Variants in SAMSN1 observed in about 807,000 individuals in gnomAD.
SAMSN1 encodes the protein SAM domain, SH3 domain and nuclear localization signals 1.
A neutral mutation model predicts 42.0 loss-of-function variants in SAMSN1; 31 were observed. The ratio of observed to expected loss-of-function variants is 0.74; its 90% CI spans 0.55 to 1.00. SAMSN1 has a LOEUF of 1.00. Among genes scored for constraint, SAMSN1 ranks in the 50% least tolerant of loss-of-function variants. The probability of loss-of-function intolerance (pLI) is 0.00; values close to 1 mark genes in which losing one functional copy is unlikely to be tolerated. For synonymous variants in SAMSN1, 178 were observed against 151.9 expected (o/e 1.17, Z -1.26); for missense variants, 464 against 439.4 (o/e 1.06, Z -0.50).
At chr21:14,487,183 C>G (rs913997436) in intron 7 of SAMSN1, among the ~76,000 whole-genome samples, 1 of 152,168 alleles carries the variant, frequency 6.6e-6, no homozygotes, top group East Asian at 1.9e-4. Context: ...GGGACAAGAA[C>G]TCTGCCTACA....
upstream of SAMSN1, among the ~76,000 whole-genome samples, chr21:14,547,711 A>T (rs552995517): frequency 1.3e-5 from 2 of 152,202 alleles, no homozygotes; most frequent in African/African-American, 2.4e-5. Context: ...TTACTAATTC[A>T]TTTAACAAAT....
intron 7 of SAMSN1, among the ~76,000 whole-genome samples, chr21:14,492,380 A>T (rs1163590227): frequency 6.6e-6 from 1 of 152,206 alleles, no homozygotes; most frequent in Admixed American, 6.5e-5. Context: ...TTATTTTTAT[A>T]ATAATAGAAT....
At chr21:14,589,894 G>C (rs1015979518) in intron 7 of SAMSN1, among the ~76,000 whole-genome samples, 2 of 152,094 alleles carry the variant, frequency 1.3e-5, no homozygotes, top group African/African-American at 2.4e-5. Flanking sequence ...CTAATAACCT[G>C]ATGTCTATCT....
chr21:14,619,985 G>A (rs1416339643), intron 2 of SAMSN1, among the ~76,000 whole-genome samples: 1 of 150,840 alleles, frequency 6.6e-6, no homozygotes, highest in East Asian at 1.9e-4. Context: ...GAGTAATTCA[G>A]AGAGTGATCT....
chr21:14,591,508 A>T (rs1982082544), intron 7 of SAMSN1: 1 of 152,144 alleles, frequency 6.6e-6, no homozygotes, highest in Non-Finnish European at 1.5e-5. Flanking sequence ...TACACATATC[A>T]CTTCCTAGAG....
intron 6 of SAMSN1, among the ~76,000 whole-genome samples, chr21:14,599,588 A>C (rs1393453088): frequency 6.6e-6 from 1 of 152,122 alleles, no homozygotes; most frequent in Non-Finnish European, 1.5e-5. Context: ...ATCCTTCTAC[A>C]ATAGGTTAAT....
At chr21:14,599,286 C>A (rs1362238280) in intron 6 of SAMSN1, among the ~76,000 whole-genome samples, 1 of 151,964 alleles carries the variant, frequency 6.6e-6, no homozygotes, top group African/African-American at 2.4e-5. Flanking sequence ...TTCCCCCATG[C>A]TGCTGTCATA....
intron 1 of SAMSN1, among the ~76,000 whole-genome samples, chr21:14,650,538 C>G (rs753079243): frequency 7.2e-5 from 11 of 151,850 alleles, no homozygotes; most frequent in Non-Finnish European, 1.3e-4. Context: ...AAAGGCAGTA[C>G]TAAGAGGGAA....
intron 2 of SAMSN1, among the ~76,000 whole-genome samples, chr21:14,632,405 C>A (rs900523418): frequency 2.6e-5 from 4 of 151,632 alleles, no homozygotes; most frequent in African/African-American, 9.7e-5. Context: ...AATTTTAGTT[C>A]CCGTATTAGT....
At chr21:14,505,275 G>A (rs1445618994) in intron 5 of SAMSN1, among the ~76,000 whole-genome samples, 2 of 152,136 alleles carry the variant, frequency 1.3e-5, no homozygotes, top group African/African-American at 2.4e-5. Flanking sequence ...GAATTAAATG[G>A]CCTAAATTCT....
At chr21:14,542,938 C>T (rs1483662335) in intron 1 of SAMSN1, among the ~76,000 whole-genome samples, 2 of 152,100 alleles carry the variant, frequency 1.3e-5, no homozygotes, top group Non-Finnish European at 2.9e-5. Flanking sequence ...GGTGACAGAG[C>T]AAGACTCTGT....
In SAMSN1 at chr21:14,571,281, A is replaced by G. The variant is rs550227403; in HGVS notation, c.261+10855T>C. Among the ~76,000 whole-genome samples the G allele has an allele frequency of 5.9e-5, 9 of 152,356 alleles. No homozygotes were observed. In the East Asian group the frequency reaches 1.7e-3, roughly 29 times the overall value. ...AAATACTCAAAACAAATTGTTGAGT[A>G]AATGAATAAATCAGTTCTTGATTTT... On this transcript the variant is annotated intron_variant, in intron 2 of 8. Transcript: ENST00000285670.
intron 2 of SAMSN1, among the ~76,000 whole-genome samples, chr21:14,559,503 T>C (rs958968387): frequency 2.0e-5 from 3 of 152,180 alleles, no homozygotes; most frequent in Non-Finnish European, 4.4e-5. Context: ...TGTCTCTTTC[T>C]GTCTCTCTTC....
At chr21:14,650,792 GA>G (rs1233292180) in intron 1 of SAMSN1, among the ~76,000 whole-genome samples, 1 of 151,440 alleles carries the variant, frequency 6.6e-6, no homozygotes, top group Non-Finnish European at 1.5e-5. Flanking sequence ...TAGACAGACT[GA>G]AAAAAAGAGA....
rs531781119 is a variant in SAMSN1 at position 14,541,098 on chromosome 21, A to G, written c.57+5107T>C. On this transcript the variant is annotated intron_variant, in intron 1 of 7. Coordinates refer to ENST00000400566, the MANE Select transcript of SAMSN1 (RefSeq NM_022136.5). The stretch of plus-strand genomic sequence containing the variant: ...TTGAACAATGGGAACATCTGGACAC[A>G]GGGCAGGGAACATCACACACCAGGG... 2.4e-5 allele frequency among the ~76,000 whole-genome samples: 3 copies of G among 127,256 alleles called. No individual in the cohort carries two copies. In the East Asian group the frequency reaches 7.8e-4, roughly 33 times the overall value. 83.5% of individuals were successfully genotyped at this position (127,256 alleles called of 152,430 possible).
intron 2 of SAMSN1, among the ~76,000 whole-genome samples, chr21:14,563,223 A>G: frequency 6.6e-6 from 1 of 152,222 alleles, no homozygotes. Context: ...TAACAACTGT[A>G]AGATATGTCC....
chr21:14,605,282 C>T (rs761230616), intron 5 of SAMSN1, among the ~76,000 whole-genome samples: 3 of 152,178 alleles, frequency 2.0e-5, no homozygotes, highest in Non-Finnish European at 4.4e-5. Flanking sequence ...GTGGTCTCAT[C>T]GTTGAATTCA....
chr21:14,591,744 T>C (rs1186786411), intron 7 of SAMSN1, among the ~76,000 whole-genome samples: 2 of 152,192 alleles, frequency 1.3e-5, no homozygotes, highest in Non-Finnish European at 2.9e-5. Flanking sequence ...AAGCCATTTA[T>C]GTAATAGTCT....
chr21:14,497,178 G>A (rs928419448), intron 7 of SAMSN1, among the ~76,000 whole-genome samples: 2 of 152,238 alleles, frequency 1.3e-5, no homozygotes, highest in Non-Finnish European at 1.5e-5. Context: ...TCATAAAAAT[G>A]AGGGCGGTAG....
Sources: gnomAD v4.1 joint callset for allele counts (sites outside exome capture counted in the v4.1 genomes callset) on GRCh38, gnomAD v4.1.1 for gene constraint, MANE v1.5 for transcripts, NCBI Gene and HGNC (gene_info 2026-07-23, HGNC 2026-07-21) for gene names.